Variants in TIAM1 observed in about 807,000 individuals in gnomAD.
TIAM1 encodes TIAM Rac1 associated GEF 1.
In TIAM1, 65 loss-of-function variants were observed where a neutral mutation model predicts 163.5. That is an observed-to-expected ratio of 0.40 (90% CI 0.33 to 0.49). TIAM1 has a LOEUF of 0.49. Among genes scored for constraint, TIAM1 ranks in the 20% least tolerant of loss-of-function variants. TIAM1 has a pLI of 0.77. For missense variants in TIAM1, 1,789 were observed against 2,044.7 expected (o/e 0.87, Z 2.41); for synonymous variants, 833 against 810.1 (o/e 1.03, Z -0.48).
At chr21:31,349,771 A>T (rs1313347819) in intron 2 of TIAM1, among the ~76,000 whole-genome samples, 1 of 152,212 alleles carries the variant, frequency 6.6e-6, no homozygotes, top group Non-Finnish European at 1.5e-5. Context: ...ATACAAAATG[A>T]GAAGAGCCGG....
intron 6 of TIAM1, among the ~76,000 whole-genome samples, chr21:31,243,432 A>C (rs1470498520): frequency 1.3e-5 from 2 of 151,712 alleles, no homozygotes; most frequent in Non-Finnish European, 2.9e-5. Context: ...TAATGTAAAC[A>C]CAACAGGAGT....
At chr21:31,174,300 G>C (rs527379207) in intron 15 of TIAM1, among the ~76,000 whole-genome samples, 1 of 152,328 alleles carries the variant, frequency 6.6e-6, no homozygotes, top group Admixed American at 6.5e-5. Context: ...CTCAGCACTT[G>C]GCAATTCCTC....
intron 25 of TIAM1, among the ~76,000 whole-genome samples, chr21:31,127,705 C>T (rs1050833598): frequency 2.0e-5 from 3 of 152,150 alleles, no homozygotes; most frequent in African/African-American, 4.8e-5. Context: ...CGTGAGCCAC[C>T]GCGCCCGGCC....
In TIAM1 at chr21:31,501,164, C is replaced by G. The variant is rs759566085; in HGVS notation, c.-421-37129G>C. ...ATGATTCCCCCAAGGGATAAAGATA[C>G]AGCGAAAGAAGGACCTTCAGATGCA... On this transcript the variant is annotated intron_variant, in intron 1 of 28. Coordinates refer to the TIAM1 transcript ENST00000286827. 1.1e-3 allele frequency among the ~76,000 whole-genome samples: 166 copies of G among 152,144 alleles called. 2 individuals are homozygous for G. Among genetic ancestry groups the G allele is most frequent in the Middle Eastern group, 0.01 (3 of 294 alleles).
intron 2 of TIAM1, among the ~76,000 whole-genome samples, chr21:31,441,250 G>A (rs2044407621): frequency 6.6e-6 from 1 of 152,188 alleles, no homozygotes; most frequent in Non-Finnish European, 1.5e-5. Context: ...AAGGAACTTA[G>A]CAAATATTAT....
chr21:31,490,556 G>A (rs560007017), intron 1 of TIAM1, among the ~76,000 whole-genome samples: 1 of 152,246 alleles, frequency 6.6e-6, no homozygotes, highest in East Asian at 1.9e-4. Flanking sequence ...ACAGACTCAG[G>A]GAACCGCCGC....
intron 2 of TIAM1, among the ~76,000 whole-genome samples, chr21:31,425,718 AC>A (rs2043769880): frequency 7.3e-6 from 1 of 137,276 alleles, no homozygotes; most frequent in Non-Finnish European, 1.5e-5. Context: ...CCTTTTTGAG[AC>A]AGAGTCTCGC....
intron 15 of TIAM1, among the ~76,000 whole-genome samples, chr21:31,166,491 T>C (rs915883414): frequency 3.3e-5 from 5 of 152,310 alleles, no homozygotes; most frequent in East Asian, 3.9e-4. Context: ...AGTGGACCCC[T>C]GAGCAAACTT....
intron 1 of TIAM1, among the ~76,000 whole-genome samples, chr21:31,478,621 C>CT (rs543430291): frequency 1.3e-5 from 2 of 152,074 alleles, no homozygotes; most frequent in African/African-American, 2.4e-5. Flanking sequence ...TTTTGTTTTT[C>CT]TTTTTTTGTC....
At chr21:31,244,154 A>G (rs1461546055) in intron 6 of TIAM1, among the ~76,000 whole-genome samples, 2 of 152,256 alleles carry the variant, frequency 1.3e-5, no homozygotes, top group Non-Finnish European at 2.9e-5. Flanking sequence ...GAAAACACAG[A>G]TGCTTTGTCT....
chr21:31,175,433 T>C lies in TIAM1; in HGVS notation c.2887+6988A>G, dbSNP rs536771115. Among the ~76,000 whole-genome samples, 5 of 152,336 alleles carry C rather than the reference T, an allele frequency of 3.3e-5. No individual in the cohort carries two copies. The South Asian group carries it at 6.2e-4, about 19-fold the overall frequency. On this transcript the variant is annotated intron_variant, in intron 15 of 27. Transcript: ENST00000541036. The stretch of plus-strand genomic sequence containing the variant: ...GTTTGAAACTTCGGAAAGACACTAA[T>C]GGTGTCACTTCAACTATGATTCTTA...
chr21:31,142,759 C>A (rs2082916137), intron 20 of TIAM1, among the ~76,000 whole-genome samples: 2 of 152,120 alleles, frequency 1.3e-5, no homozygotes, highest in Admixed American at 1.3e-4. Flanking sequence ...GTGATCTACT[C>A]AAAGTTAACT....
chr21:31,504,725 A>G (rs982600430), intron 1 of TIAM1, among the ~76,000 whole-genome samples: 5 of 152,218 alleles, frequency 3.3e-5, no homozygotes, highest in African/African-American at 1.2e-4. Context: ...CTACGTTCAG[A>G]TCCCAAGTCA....
At chr21:31,136,615 A>G (rs1014032796) in intron 22 of TIAM1, among the ~76,000 whole-genome samples, 1 of 152,206 alleles carries the variant, frequency 6.6e-6, no homozygotes. Context: ...CATTTATTCC[A>G]TGCTTGTCTA....
At chr21:31,471,116 T>A (rs981574138) in intron 1 of TIAM1, among the ~76,000 whole-genome samples, 8 of 151,596 alleles carry the variant, frequency 5.3e-5, no homozygotes, top group Non-Finnish European at 1.0e-4. Flanking sequence ...CTGCTGAGAG[T>A]CTCCAGGCAG....
intron 2 of TIAM1, among the ~76,000 whole-genome samples, chr21:31,311,164 T>G (rs2074912881): frequency 9.7e-6 from 1 of 103,250 alleles, no homozygotes. Context: ...TTTTTGTTTG[T>G]TTGTTTTGTT....
At chr21:31,300,249 G>A (rs2074449955) in intron 2 of TIAM1, among the ~76,000 whole-genome samples, 1 of 152,202 alleles carries the variant, frequency 6.6e-6, no homozygotes, top group Non-Finnish European at 1.5e-5. Context: ...GGTCTCCCCA[G>A]AAGCAGATGC....
intron 4 of TIAM1, among the ~76,000 whole-genome samples, chr21:31,253,061 G>C (rs115273664): frequency 2.0e-5 from 3 of 152,338 alleles, no homozygotes; most frequent in East Asian, 3.9e-4. Context: ...ACATTTCCGG[G>C]ACAGACAGGT....
Position 31,394,726 on chromosome 21 carries a change from TCTCACACACACACA to T in TIAM1, c.-368-55318_-368-55305del, listed in dbSNP as rs1214249742. Among the ~76,000 whole-genome samples, 73 of 81,660 alleles carry T rather than the reference TCTCACACACACACA, an allele frequency of 8.9e-4. 1 individual carries two copies. The highest frequency in any genetic ancestry group is 2.1e-3 in the African/African-American group (44 of 20,806). The allele number at this position is 81,660 out of a possible 152,430, so 53.6% of individuals were successfully genotyped here. A position where few individuals can be genotyped will look rare whatever the true frequency, so the allele number is the denominator to read the frequency against. ...CTCTCTCGCTCTCTCTCTCTCTCTC[TCTCACACACACACA>T]CACACACACACACACACACACACAC... is the stretch of plus-strand genomic sequence containing the variant. On this transcript the variant is annotated intron_variant, in intron 2 of 28. Coordinates refer to the TIAM1 transcript ENST00000286827.
Sources: gnomAD v4.1 joint callset for allele counts (sites outside exome capture counted in the v4.1 genomes callset) on GRCh38, gnomAD v4.1.1 for gene constraint, MANE v1.5 for transcripts, NCBI Gene and HGNC (gene_info 2026-07-23, HGNC 2026-07-21) for gene names.